The following SNX29 variants were observed in gnomAD, a reference collection of about 807,000 sequenced individuals.
SNX29 encodes sorting nexin-29.
In SNX29, 78 loss-of-function variants were observed where a neutral mutation model predicts 102.1. The ratio of observed to expected loss-of-function variants is 0.76; its 90% CI spans 0.64 to 0.92. The LOEUF is 0.92. Ranked by LOEUF, SNX29 falls within the 40% of genes least tolerant of loss-of-function variation. The pLI, the probability that SNX29 is intolerant of heterozygous loss-of-function variation, is 0.00. For missense variants in SNX29, 1,280 were observed against 1,061.7 expected, an observed-to-expected ratio of 1.21 and a Z score of -2.86; for synonymous variants, 580 against 414.5, an observed-to-expected ratio of 1.40 and a Z score of -4.85.
intron 20 of SNX29, among the ~76,000 whole-genome samples, chr16:12,536,509 T>C (rs2077085722): frequency 6.6e-6 from 1 of 152,164 alleles, no homozygotes; most frequent in African/African-American, 2.4e-5. Flanking sequence ...TTTAGGGACT[T>C]CATGCCTCTA....
At chr16:11,981,991 G>A (rs2055427507) in intron 1 of SNX29, among the ~76,000 whole-genome samples, 1 of 151,544 alleles carries the variant, frequency 6.6e-6, no homozygotes, top group East Asian at 1.9e-4. Context: ...GATTGCTTGA[G>A]TCCAGGAGTT....
chr16:12,294,997 AGAGAAT>A (rs2151076297), intron 15 of SNX29, among the ~76,000 whole-genome samples: 1 of 152,358 alleles, frequency 6.6e-6, no homozygotes, highest in East Asian at 1.9e-4. Flanking sequence ...TCAGGCAAAG[AGAGAAT>A]GAGAACCAAG....
In SNX29 at chr16:12,063,809, A is replaced by G. The variant is rs146500219; in HGVS notation, c.1243+2163A>G. On this transcript the variant is annotated intron_variant, in intron 9 of 20. Coordinates refer to ENST00000566228, the MANE Select transcript of SNX29 (RefSeq NM_032167.5). ...CAGTTGAGGTCCCCTAAAAGTGACAATCTCGTAGGCCTAGCTCATGTTTGC... is the reference window on the plus strand; with the variant it reads ...CAGTTGAGGTCCCCTAAAAGTGACAGTCTCGTAGGCCTAGCTCATGTTTGC... 6.6e-5 allele frequency among the ~76,000 whole-genome samples: 10 copies of G among 151,050 alleles called. No homozygotes were observed. In the East Asian group the frequency reaches 1.6e-3, roughly 24 times the overall value.
intron 3 of SNX29, among the ~76,000 whole-genome samples, chr16:12,015,083 C>A (rs1225169190): frequency 1.3e-5 from 2 of 151,952 alleles, no homozygotes; most frequent in Non-Finnish European, 2.9e-5. Flanking sequence ...TTTTTCCATG[C>A]GTACACAATT....
intron 14 of SNX29, among the ~76,000 whole-genome samples, chr16:12,210,490 G>A (rs1019089684): frequency 5.3e-5 from 8 of 151,806 alleles, no homozygotes; most frequent in African/African-American, 1.9e-4. Context: ...CATCACTCTC[G>A]GTGGGACTGA....
intron 19 of SNX29, among the ~76,000 whole-genome samples, 168 bp from the exon 20 acceptor site, chr16:12,524,534 T>A (rs961692982): frequency 3.3e-5 from 5 of 150,508 alleles, no homozygotes; most frequent in Non-Finnish European, 5.9e-5. Flanking sequence ...TTTCTTGTTA[T>A]TACATGTGAT....
intron 16 of SNX29, 111 bp downstream of exon 16, chr16:12,356,390 GC>G: frequency 1.1e-6 from 1 of 920,098 alleles, no homozygotes; most frequent in Non-Finnish European, 1.7e-6. Flanking sequence ...GGCCAGATTT[GC>G]CCACATTCAC....
intron 19 of SNX29, among the ~76,000 whole-genome samples, chr16:12,493,475 C>A (rs897888271): frequency 6.6e-6 from 1 of 152,262 alleles, no homozygotes; most frequent in Non-Finnish European, 1.5e-5. Flanking sequence ...ATCATGTCAT[C>A]TGCAAACAGG....
At chr16:12,553,536 C>G (rs1261149270) in intron 20 of SNX29, among the ~76,000 whole-genome samples, 1 of 152,128 alleles carries the variant, frequency 6.6e-6, no homozygotes, top group Non-Finnish European at 1.5e-5. Flanking sequence ...AGGGACCCCA[C>G]AGAGCACTGC....
Position 12,570,969 on chromosome 16 carries a change from C to T in SNX29, c.*2340C>T, listed in dbSNP as rs943089720. 1 of 232,150 alleles carries T rather than the reference C, an allele frequency of 4.3e-6. No homozygotes were observed. Among genetic ancestry groups the T allele is most frequent in the African/African-American group, 2.2e-5 (1 of 45,260 alleles). 14.4% of individuals were successfully genotyped at this position (232,150 alleles called of 1,614,324 possible). ...TGGGGACCATCCCCAGCTGCCTGCT[C>T]CTGGTACCTCCCCCATGATCATGCA... On this transcript the variant is annotated 3_prime_UTR_variant, in exon 21 of 21. Transcript: ENST00000566228.
At chr16:11,987,403 CT>C (rs34572926) in intron 1 of SNX29, among the ~76,000 whole-genome samples, 75,249 of 107,056 alleles carry the variant, frequency 0.7, 26,393 homozygotes, top group Non-Finnish European at 0.79. Flanking sequence ...GACTTTTACT[CT>C]TTTTTTTTTT....
At chr16:12,564,628 A>C (rs2078914902) in intron 20 of SNX29, among the ~76,000 whole-genome samples, 1 of 150,950 alleles carries the variant, frequency 6.6e-6, no homozygotes, top group East Asian at 1.9e-4. Context: ...TCCCAGCATT[A>C]ACAGAGTCCC....
Position 12,547,089 on chromosome 16 carries a change from G to C in SNX29, c.2319-21417G>C, listed in dbSNP as rs1264112524. On this transcript the variant is annotated intron_variant, in intron 20 of 20. Coordinates refer to ENST00000566228, the MANE Select transcript of SNX29 (RefSeq NM_032167.5). ...AGTGAGGCAGACATGCCTATGTGAGGTGGCGATTTCCAGTGAAAAGACAGG... is the reference window on the plus strand; with the variant it reads ...AGTGAGGCAGACATGCCTATGTGAGCTGGCGATTTCCAGTGAAAAGACAGG... Among the ~76,000 whole-genome samples the C allele has an allele frequency of 2.6e-5, 4 of 152,210 alleles. No homozygotes were observed. In the South Asian group the frequency reaches 8.3e-4, roughly 31 times the overall value.
chr16:12,134,910 A>C (rs1229050778), intron 13 of SNX29, among the ~76,000 whole-genome samples: 2 of 152,234 alleles, frequency 1.3e-5, no homozygotes, highest in African/African-American at 4.8e-5. Context: ...TATGGGGGCC[A>C]AGAAGTCTCA....
At chr16:12,351,898 A>G (rs966594570) in intron 15 of SNX29, among the ~76,000 whole-genome samples, 1 of 152,158 alleles carries the variant, frequency 6.6e-6, no homozygotes, top group African/African-American at 2.4e-5. Flanking sequence ...GTGATTGATT[A>G]GTGCTGTCTG....
intron 20 of SNX29, among the ~76,000 whole-genome samples, chr16:12,528,413 T>C (rs2076844368): frequency 6.6e-6 from 1 of 152,152 alleles, no homozygotes; most frequent in African/African-American, 2.4e-5. Context: ...TTGGCCAGGC[T>C]GGTCTCAGAC....
chr16:12,439,665 C>G (rs1350002267), intron 18 of SNX29, among the ~76,000 whole-genome samples: 1 of 151,768 alleles, frequency 6.6e-6, no homozygotes, highest in Non-Finnish European at 1.5e-5. Flanking sequence ...GTCCCTCCCA[C>G]AACATGAAGG....
intron 16 of SNX29, among the ~76,000 whole-genome samples, chr16:12,382,881 C>T (rs1388964794): frequency 5.9e-5 from 9 of 151,988 alleles, no homozygotes; most frequent in Admixed American, 5.9e-4. Flanking sequence ...CTTATAAGGA[C>T]ACCTGCCATG....
chr16:12,538,872 G>A (rs967799858), intron 20 of SNX29, among the ~76,000 whole-genome samples: 2 of 151,172 alleles, frequency 1.3e-5, no homozygotes, highest in African/African-American at 2.5e-5. Flanking sequence ...GGTAGATGGG[G>A]CCATTTGTAC....
Sources: gnomAD v4.1 joint callset for allele counts (sites outside exome capture counted in the v4.1 genomes callset) on GRCh38, gnomAD v4.1.1 for gene constraint, MANE v1.5 for transcripts, NCBI Gene and HGNC (gene_info 2026-07-23, HGNC 2026-07-21) for gene names.